DYNC1I1: variants seen among roughly 807,000 people sequenced by gnomAD.
The protein encoded by DYNC1I1 is dynein cytoplasmic 1 intermediate chain 1.
Under a neutral mutation model 86.6 loss-of-function variants are expected in DYNC1I1, and 43 were observed. The observed-to-expected ratio is 0.50, with a 90% CI of 0.39 to 0.64. The LOEUF is 0.64. Among genes scored for constraint, DYNC1I1 ranks in the 30% least tolerant of loss-of-function variants. The pLI, the probability that DYNC1I1 is intolerant of heterozygous loss-of-function variation, is 0.00. For missense variants in DYNC1I1, 604 were observed against 788.8 expected, an observed-to-expected ratio of 0.77 and a Z score of 2.81; for synonymous variants, 262 against 283.7, an observed-to-expected ratio of 0.92 and a Z score of 0.77.
At chr7:95,888,989 G>A (rs1790668178) in intron 6 of DYNC1I1, among the ~76,000 whole-genome samples, 1 of 152,202 alleles carries the variant, frequency 6.6e-6, no homozygotes, top group Admixed American at 6.5e-5. Flanking sequence ...TTCAAGGAAT[G>A]AGAAATGCTT....
chr7:95,798,609 G>A (rs1444930942), intron 1 of DYNC1I1, among the ~76,000 whole-genome samples: 1 of 152,186 alleles, frequency 6.6e-6, no homozygotes. Context: ...CAGCTGGGCA[G>A]TGATTTAAAC....
Position 95,889,550 on chromosome 7 carries a change from A to G in DYNC1I1, c.490+19552A>G, listed in dbSNP as rs116179271. 5.7e-3 allele frequency among the ~76,000 whole-genome samples: 867 copies of G among 152,292 alleles called. 4 individuals are homozygous for G. The highest frequency in any genetic ancestry group is 0.02 in the African/African-American group (818 of 41,574). On this transcript the variant is annotated intron_variant, in intron 6 of 16. Coordinates refer to ENST00000447467, the MANE Select transcript of DYNC1I1 (RefSeq NM_001135556.2). ...GGACAAAGAAACTGGCAAAGATTTC[A>G]TTTTCATACCAAAAACAATTGCAAA...
chr7:95,819,879 A>G (rs542673758), intron 4 of DYNC1I1, among the ~76,000 whole-genome samples: 37 of 152,360 alleles, frequency 2.4e-4, no homozygotes, highest in Non-Finnish European at 4.3e-4. Flanking sequence ...CTATGTACCC[A>G]TATGGTTATA....
chr7:96,088,849 G>T (rs1054852992), intron 16 of DYNC1I1, among the ~76,000 whole-genome samples: 1 of 152,210 alleles, frequency 6.6e-6, no homozygotes, highest in African/African-American at 2.4e-5. Flanking sequence ...AAGCTTACAT[G>T]AATTTTTGAG....
chr7:96,007,024 A>G (rs1343848166), intron 10 of DYNC1I1, among the ~76,000 whole-genome samples: 1 of 152,240 alleles, frequency 6.6e-6, no homozygotes. Context: ...TCAATAAAAA[A>G]TGCAAAACAA....
intron 6 of DYNC1I1, among the ~76,000 whole-genome samples, chr7:95,891,488 G>A (rs1019273036): frequency 2.6e-5 from 4 of 152,200 alleles, no homozygotes; most frequent in Admixed American, 2.6e-4. Flanking sequence ...CTGGGCATCT[G>A]GGCTTGGAGG....
intron 10 of DYNC1I1, among the ~76,000 whole-genome samples, chr7:95,996,655 C>A (rs1016284553): frequency 6.6e-6 from 1 of 152,154 alleles, no homozygotes; most frequent in African/African-American, 2.4e-5. Context: ...TCTGCGGACA[C>A]GTCTTCTCTT....
intron 1 of DYNC1I1, among the ~76,000 whole-genome samples, chr7:95,786,841 ATGCGCTCTGATC>A (rs201290431): frequency 0.024 from 3,626 of 152,218 alleles, 70 homozygotes; most frequent in Non-Finnish European, 0.037. Context: ...GTGGGGAGAA[ATGCGCTCTGATC>A]TGCTAAAGGA....
chr7:95,984,573 C>G (rs1166943557), intron 7 of DYNC1I1, among the ~76,000 whole-genome samples: 1 of 151,988 alleles, frequency 6.6e-6, no homozygotes, highest in Non-Finnish European at 1.5e-5. Context: ...TTGTAATCTT[C>G]TTCAACTCTT....
intron 5 of DYNC1I1, among the ~76,000 whole-genome samples, chr7:95,856,525 T>C (rs1289016671): frequency 6.6e-6 from 1 of 152,242 alleles, no homozygotes; most frequent in Non-Finnish European, 1.5e-5. Flanking sequence ...ATTTTTATGG[T>C]TGCTGTTGAG....
At chr7:96,070,144 C>T (rs2116218969) in intron 14 of DYNC1I1, among the ~76,000 whole-genome samples, 1 of 152,258 alleles carries the variant, frequency 6.6e-6, no homozygotes, top group Middle Eastern at 3.4e-3. Flanking sequence ...ATATAGGATA[C>T]TTTGTGCATT....
At chr7:95,781,805 C>T (rs1013042939) in intron 1 of DYNC1I1, among the ~76,000 whole-genome samples, 6 of 152,178 alleles carry the variant, frequency 3.9e-5, no homozygotes, top group African/African-American at 1.4e-4. Flanking sequence ...TCTTTACACC[C>T]TCCTCACGGG....
intron 5 of DYNC1I1, among the ~76,000 whole-genome samples, chr7:95,864,468 G>A (rs1789967860): frequency 6.6e-6 from 1 of 151,964 alleles, no homozygotes; most frequent in African/African-American, 2.4e-5. Context: ...TTGCAATATG[G>A]CTTTGCTCAG....
intron 1 of DYNC1I1, among the ~76,000 whole-genome samples, chr7:95,793,091 CCT>C (rs1201108387): frequency 3.3e-5 from 5 of 151,914 alleles, no homozygotes; most frequent in Non-Finnish European, 7.4e-5. Context: ...GAAAGCTCAC[CCT>C]GATATTGCGT....
chr7:96,064,380 CTGTGATCCACAGGAAATT>C (rs1789893920), intron 14 of DYNC1I1, among the ~76,000 whole-genome samples: 1 of 152,102 alleles, frequency 6.6e-6, no homozygotes, highest in Non-Finnish European at 1.5e-5. Flanking sequence ...TGCTTTGTCC[CTGTGATCCACAGGAAATT>C]TGTGGCTAGA....
chr7:95,932,274 A>T (rs7799494), intron 6 of DYNC1I1, among the ~76,000 whole-genome samples: 5,196 of 152,234 alleles, frequency 0.034, 239 homozygotes, highest in African/African-American at 0.1. Context: ...TATTTCTCCT[A>T]CCAGTACTGG....
chr7:95,894,390 C>T (rs1790822481), intron 6 of DYNC1I1, among the ~76,000 whole-genome samples: 1 of 151,828 alleles, frequency 6.6e-6, no homozygotes, highest in Non-Finnish European at 1.5e-5. Context: ...TACCAATCCC[C>T]AGTTATCTCC....
intron 5 of DYNC1I1, among the ~76,000 whole-genome samples, chr7:95,849,691 A>T (rs1297935878): frequency 6.6e-6 from 1 of 152,004 alleles, no homozygotes; most frequent in Non-Finnish European, 1.5e-5. Flanking sequence ...ATGTTGCTTT[A>T]ACTGTTTGGG....
At chr7:96,031,497 G>C (rs1018671818) in intron 11 of DYNC1I1, among the ~76,000 whole-genome samples, 2 of 152,120 alleles carry the variant, frequency 1.3e-5, no homozygotes, top group African/African-American at 4.8e-5. Context: ...AACTCCCCCA[G>C]GATACTACGA....
Sources: allele counts gnomAD v4.1 joint callset (sites outside exome capture counted in the v4.1 genomes callset), GRCh38; gene constraint gnomAD v4.1.1; transcripts MANE v1.5; gene names NCBI Gene and HGNC (gene_info 2026-07-23, HGNC 2026-07-21).